DDX1: variants seen among roughly 807,000 people sequenced by gnomAD.
The protein encoded by DDX1 is DEAD-box helicase 1.
A neutral mutation model predicts 108.7 loss-of-function variants in DDX1; 28 were observed. The ratio of observed to expected loss-of-function variants is 0.26; its 90% CI spans 0.19 to 0.35. DDX1 has a LOEUF of 0.35. Ranked by LOEUF, DDX1 falls within the 10% of genes least tolerant of loss-of-function variation. The pLI, the probability that DDX1 is intolerant of heterozygous loss-of-function variation, is 1.00. For synonymous variants in DDX1, 295 were observed against 288.9 expected, an observed-to-expected ratio of 1.02 and a Z score of -0.21; for missense variants, 710 against 884.5, an observed-to-expected ratio of 0.80 and a Z score of 2.50.
chr2:15,607,540 A>G lies in DDX1; in HGVS notation c.956+227A>G, dbSNP rs187535989. Among the ~76,000 whole-genome samples, 149 of 152,002 alleles carry G rather than the reference A, an allele frequency of 9.8e-4. 3 individuals are homozygous for G. The highest frequency in any genetic ancestry group is 1.3e-4 in the Non-Finnish European group (9 of 67,992). Reference sequence around the variant, plus strand: ...AGATTTTTTTTTTCCTGTGTCTCTTACATGAAAAGTCATGGTTAGTCAAAC... The same window carrying G: ...AGATTTTTTTTTTCCTGTGTCTCTTGCATGAAAAGTCATGGTTAGTCAAAC... On this transcript the variant is annotated intron_variant, in intron 13 of 25. Coordinates refer to ENST00000233084, the MANE Select transcript of DDX1 (RefSeq NM_004939.3).
chr2:15,622,961 G>A lies in DDX1; in HGVS notation c.1448-475G>A, dbSNP rs185648111. On this transcript the variant is annotated intron_variant, in intron 18 of 25. Coordinates refer to ENST00000233084, the MANE Select transcript of DDX1 (RefSeq NM_004939.3). ...AGTTTTGTGTTAAGGTTTTTACTGC[G>A]TAGAGTGAAGTATGAACTTTCTGGT... Among the ~76,000 whole-genome samples, 89 of 152,250 alleles carry A rather than the reference G, an allele frequency of 5.8e-4. No individual in the cohort carries two copies. The East Asian group carries it at 0.015, about 25-fold the overall frequency.
At chr2:15,604,360 CT>C (rs35195784) in intron 9 of DDX1, 76 bp from the exon 10 acceptor site, 229,633 of 941,326 alleles carry the variant, frequency 0.24, 28,925 homozygotes, top group Admixed American at 0.3. Context: ...GAAACACATA[CT>C]TTTGATGCAG....
intron 6 of DDX1, among the ~76,000 whole-genome samples, chr2:15,600,140 A>G (rs886374992): frequency 6.6e-6 from 1 of 152,230 alleles, no homozygotes. Flanking sequence ...TTCCTAACCC[A>G]AATAGAAAAT....
Position 15,595,130 on chromosome 2 carries a change from A to T in DDX1, c.17-15A>T, listed in dbSNP as rs762949698. 6.3e-7 allele frequency: 1 copy of T among 1,597,860 alleles called. No homozygotes were observed. Among genetic ancestry groups the T allele is most frequent in the South Asian group, 1.1e-5 (1 of 88,218 alleles). ...TTCAGTTTATGTGGTTTTTAAAATT[A>T]ATTTTTACTTTCAGAGATGGGTGTA... On this transcript the variant is annotated splice_polypyrimidine_tract_variant and intron_variant, in intron 1 of 25. Transcript: ENST00000233084.
intron 19 of DDX1, among the ~76,000 whole-genome samples, chr2:15,624,706 C>G (rs1666070007): frequency 6.6e-6 from 1 of 152,140 alleles, no homozygotes; most frequent in Non-Finnish European, 1.5e-5. Context: ...CAAATTATAT[C>G]ATAAACCAAC....
chr2:15,607,206 C>T lies in DDX1; in HGVS notation c.849C>T (p.Leu283=). Residue 283 remains leucine (L), a synonymous_variant, in exon 13 of 26, where the codon CTC becomes CTT. Transcript: ENST00000233084. ...CACAGGTGACACAAACAAAGTTTCT[C>T]CCCAATGCTCCGAAAGCTCTCATTG... ...GNAQVTQTKF[L]PNAPKALIVE... is the part of the protein sequence containing the mutation. 1.2e-6 allele frequency: 2 copies of T among 1,614,042 alleles called. No homozygotes were observed. The highest frequency in any genetic ancestry group is 1.1e-5 in the South Asian group (1 of 91,084).
At chr2:15,596,654 T>C in intron 3 of DDX1, 80 bp from the exon 4 acceptor site, 5 of 1,248,038 alleles carry the variant, frequency 4.0e-6, no homozygotes, top group African/African-American at 1.5e-5. Flanking sequence ...ATGTTAAAGA[T>C]TTCTACATAC....
Position 15,595,479 on chromosome 2 carries a change from G to T in DDX1, c.69-11G>T. On this transcript the variant is annotated splice_polypyrimidine_tract_variant and intron_variant, in intron 2 of 25. Transcript: ENST00000233084. ...CCAGTAACTAAAATTCTTCAAATAT[G>T]ATTCTTTTAGCCTCCCAACTGATAT... 2 of 1,603,754 alleles carry T rather than the reference G, an allele frequency of 1.2e-6. No individual in the cohort carries two copies. Among genetic ancestry groups the T allele is most frequent in the South Asian group, 2.2e-5 (2 of 90,558 alleles).
In DDX1 at chr2:15,603,127, T is replaced by C. The variant is rs1345028837; in HGVS notation, c.392-65T>C. The C allele has an allele frequency of 4.5e-6, 5 of 1,113,040 alleles. No homozygotes were observed. In the East Asian group the frequency reaches 1.2e-4, roughly 26 times the overall value. The allele number at this position is 1,113,040 out of a possible 1,614,324, so 68.9% of individuals were successfully genotyped here. On this transcript the variant is annotated intron_variant, in intron 7 of 25. Transcript: ENST00000233084. ...GTGTAATTCAGAAACAATGGGAAGA[T>C]GACTTCATGGTAAATGAATCGTGTG...
intron 18 of DDX1, 76 bp from the exon 19 acceptor site, chr2:15,623,360 T>C (rs1287783699): frequency 7.0e-7 from 1 of 1,425,392 alleles, no homozygotes; most frequent in Non-Finnish European, 9.8e-7. Context: ...AGTCAGTCTG[T>C]GACTATAATT....
intron 19 of DDX1, among the ~76,000 whole-genome samples, chr2:15,623,958 A>C (rs1468528521): frequency 6.6e-6 from 1 of 152,224 alleles, no homozygotes; most frequent in Non-Finnish European, 1.5e-5. Flanking sequence ...AAACAAGAGC[A>C]AGAAAGGAAG....
intron 23 of DDX1, among the ~76,000 whole-genome samples, chr2:15,629,281 C>A (rs561688014): frequency 2.0e-5 from 3 of 152,042 alleles, no homozygotes; most frequent in Admixed American, 6.5e-5. Flanking sequence ...ACTTATTTTT[C>A]TTTTGAACTT....
chr2:15,607,121 A>T lies in DDX1; in HGVS notation c.818-54A>T, dbSNP rs748328435. On this transcript the variant is annotated intron_variant, in intron 12 of 25. Coordinates refer to ENST00000233084, the MANE Select transcript of DDX1 (RefSeq NM_004939.3). ...ATATTTGTCCTAATGTTTTATAAGT[A>T]ACAGTATTATAAAGTGTGCTTTGAA... is the stretch of plus-strand genomic sequence containing the variant. 6 of 1,468,002 alleles carry T rather than the reference A, an allele frequency of 4.1e-6. No individual in the cohort carries two copies. The Admixed American group carries it at 1.1e-4, about 27-fold the overall frequency. 90.9% of individuals were successfully genotyped at this position (1,468,002 alleles called of 1,614,324 possible). A position where few individuals can be genotyped will look rare whatever the true frequency, so the allele number is the denominator to read the frequency against.
At chr2:15,607,626 G>A (rs940148339) in intron 13 of DDX1, among the ~76,000 whole-genome samples, 5 of 151,704 alleles carry the variant, frequency 3.3e-5, no homozygotes, top group African/African-American at 9.7e-5. Context: ...TCAATCTGTC[G>A]CCCAGGCTGG....
chr2:15,628,441 T>C lies in DDX1; in HGVS notation c.1687-4T>C, dbSNP rs1666137518. ...CTCCTTTCTCTCTTCACTGTTCTCT[T>C]TAGAAAGGAGATGTAAGATTCTTGA... On this transcript the variant is annotated splice_region_variant and splice_polypyrimidine_tract_variant and intron_variant, in intron 20 of 25. Coordinates refer to ENST00000233084, the MANE Select transcript of DDX1 (RefSeq NM_004939.3). The C allele has an allele frequency of 6.2e-7, 1 of 1,604,190 alleles. No individual in the cohort carries two copies. Among genetic ancestry groups the C allele is most frequent in the Admixed American group, 1.7e-5 (1 of 59,948 alleles).
At position 15,601,144 on chromosome 2, in the gene DDX1, C is replaced by A. The variant is rs148485473; in HGVS notation, c.308-1404C>A. On this transcript the variant is annotated intron_variant, in intron 6 of 25. Transcript: ENST00000233084. ...ACTCCATTTTCCCTGTATACTCTCT[C>A]AGCATGCTTCTGACAGCAGATGTGT... is the stretch of plus-strand genomic sequence containing the variant. Among the ~76,000 whole-genome samples, 3 of 152,312 alleles carry A rather than the reference C, an allele frequency of 2.0e-5. No homozygotes were observed. The East Asian group carries it at 5.8e-4, about 29-fold the overall frequency.
chr2:15,627,051 T>A lies in DDX1; in HGVS notation c.1595-3T>A, dbSNP rs755749119. ...GTTAAATGCTTAATGTGCTTTTCAC[T>A]AGGACCTGATAAAAAAGGACACCAG... On this transcript the variant is annotated splice_polypyrimidine_tract_variant and splice_region_variant and intron_variant, in intron 19 of 25. Coordinates refer to ENST00000233084, the MANE Select transcript of DDX1 (RefSeq NM_004939.3). The A allele has an allele frequency of 7.5e-6, 12 of 1,601,852 alleles. No individual in the cohort carries two copies. Among genetic ancestry groups the A allele is most frequent in the Non-Finnish European group, 1.0e-5 (12 of 1,172,250 alleles).
chr2:15,594,038 C>G (rs1313700744), intron 1 of DDX1, among the ~76,000 whole-genome samples: 1 of 151,276 alleles, frequency 6.6e-6, no homozygotes, highest in Non-Finnish European at 1.5e-5. Flanking sequence ...AGATCATGCC[C>G]CTACACTCCA....
chr2:15,626,316 C>T (rs192672854), intron 19 of DDX1, among the ~76,000 whole-genome samples: 1 of 152,206 alleles, frequency 6.6e-6, no homozygotes, highest in East Asian at 1.9e-4. Flanking sequence ...GTTATTTCAC[C>T]TCTGCATAAT....
Sources: gnomAD v4.1 joint callset for allele counts (sites outside exome capture counted in the v4.1 genomes callset) on GRCh38, gnomAD v4.1.1 for gene constraint, MANE v1.5 for transcripts, NCBI Gene and HGNC (gene_info 2026-07-23, HGNC 2026-07-21) for gene names.